NCALD: variants seen among roughly 807,000 people sequenced by gnomAD.
NCALD encodes neurocalcin-delta.
In NCALD, 10 loss-of-function variants were observed where a neutral mutation model predicts 18.6. That is an observed-to-expected ratio of 0.54 (90% confidence interval 0.33 to 0.91). The LOEUF is 0.91. Ranked by LOEUF, NCALD falls within the 40% of genes least tolerant of loss-of-function variation. NCALD has a pLI of 0.03. For synonymous variants in NCALD, 88 were observed against 87.4 expected, an observed-to-expected ratio of 1.01 and a Z score of -0.04; for missense variants, 184 against 247.6, an observed-to-expected ratio of 0.74 and a Z score of 1.72.
At chr8:102,075,298 A>T (rs1210688610) in intron 1 of NCALD, among the ~76,000 whole-genome samples, 18 of 152,252 alleles carry the variant, frequency 1.2e-4, no homozygotes, top group Non-Finnish European at 1.5e-5. Context: ...TTATGGAAAC[A>T]TAACTATAAA....
chr8:101,814,881 C>T (rs967104523), intron 4 of NCALD, among the ~76,000 whole-genome samples: 13 of 151,886 alleles, frequency 8.6e-5, no homozygotes, highest in Admixed American at 5.9e-4. Context: ...GTATTTCTAA[C>T]AAATATGAAT....
chr8:101,782,579 A>G (rs144183283), intron 1 of NCALD, among the ~76,000 whole-genome samples: 7 of 152,202 alleles, frequency 4.6e-5, no homozygotes, highest in African/African-American at 1.7e-4. Flanking sequence ...TATAGATTAT[A>G]TATTTTTTCC....
At chr8:101,851,855 C>T (rs549645034) in intron 4 of NCALD, among the ~76,000 whole-genome samples, 1 of 152,270 alleles carries the variant, frequency 6.6e-6, no homozygotes, top group East Asian at 1.9e-4. Flanking sequence ...TTATGTTAAA[C>T]TCTAATTTCC....
chr8:101,999,221 C>T (rs1273305883), intron 2 of NCALD, among the ~76,000 whole-genome samples: 1 of 151,932 alleles, frequency 6.6e-6, no homozygotes, highest in African/African-American at 2.4e-5. Context: ...TATACCAGCA[C>T]AATTCACAAT....
chr8:101,755,533 T>A lies in NCALD; in HGVS notation c.-20+35329A>T, dbSNP rs770788337. Among the ~76,000 whole-genome samples the A allele has an allele frequency of 9.8e-5, 15 of 152,306 alleles. 1 individual carries two copies. The highest frequency in any genetic ancestry group is 2.1e-4 in the Non-Finnish European group (14 of 68,030). On this transcript the variant is annotated intron_variant, in intron 1 of 3. Coordinates refer to ENST00000220931, the MANE Select transcript of NCALD (RefSeq NM_032041.3). Reference sequence around the variant, plus strand: ...TCTTCCTTACCTCTTTCCTCCACCATTCACCCTATCTTCTCCTGTCTCTCA... The same window carrying A: ...TCTTCCTTACCTCTTTCCTCCACCAATCACCCTATCTTCTCCTGTCTCTCA...
intron 4 of NCALD, among the ~76,000 whole-genome samples, chr8:101,884,017 A>C (rs1407939683): frequency 3.3e-5 from 5 of 152,196 alleles, no homozygotes; most frequent in Non-Finnish European, 4.4e-5. Flanking sequence ...TCTCTACTAA[A>C]GTCTTTCATG....
At chr8:101,902,773 G>T (rs1373920257) in intron 3 of NCALD, among the ~76,000 whole-genome samples, 1 of 151,844 alleles carries the variant, frequency 6.6e-6, no homozygotes, top group East Asian at 1.9e-4. Context: ...CCTAATTTCT[G>T]CTTGCTTACC....
At chr8:102,078,456 T>C (rs750270720) in intron 1 of NCALD, among the ~76,000 whole-genome samples, 2 of 152,244 alleles carry the variant, frequency 1.3e-5, no homozygotes, top group African/African-American at 4.8e-5. Context: ...TCAATGGCTT[T>C]TTATTTCGCT....
intron 1 of NCALD, among the ~76,000 whole-genome samples, chr8:102,064,475 G>A (rs1181406015): frequency 6.6e-6 from 1 of 152,224 alleles, no homozygotes; most frequent in Non-Finnish European, 1.5e-5. Flanking sequence ...CTGGGCCCAA[G>A]TACACCAAAT....
chr8:101,942,879 A>G (rs1819009702), intron 2 of NCALD, among the ~76,000 whole-genome samples: 1 of 152,174 alleles, frequency 6.6e-6, no homozygotes, highest in African/African-American at 2.4e-5. Context: ...AGCTTCATCC[A>G]ATTACCATCT....
At chr8:102,123,474 A>AC (rs1478731237) in intron 1 of NCALD, among the ~76,000 whole-genome samples, 3 of 151,484 alleles carry the variant, frequency 2.0e-5, no homozygotes, top group African/African-American at 7.3e-5. Flanking sequence ...AAAAAAAAAA[A>AC]AACTTGTGTA....
chr8:101,914,964 G>A (rs1817924930), intron 3 of NCALD, among the ~76,000 whole-genome samples: 1 of 152,104 alleles, frequency 6.6e-6, no homozygotes, highest in South Asian at 2.1e-4. Context: ...CTAAATATGG[G>A]ATCTTGGAAT....
At chr8:101,716,663 G>A (rs954665781) in intron 2 of NCALD, among the ~76,000 whole-genome samples, 1 of 152,262 alleles carries the variant, frequency 6.6e-6, no homozygotes, top group East Asian at 1.9e-4. Flanking sequence ...CCCCAAAGAT[G>A]TCCACATCCA....
intron 1 of NCALD, among the ~76,000 whole-genome samples, chr8:102,121,181 T>C (rs1825934180): frequency 6.6e-6 from 1 of 152,208 alleles, no homozygotes; most frequent in Non-Finnish European, 1.5e-5. Flanking sequence ...ATTTTAGACA[T>C]GGTCCCTATC....
intron 2 of NCALD, among the ~76,000 whole-genome samples, chr8:101,952,772 G>A (rs184279445): frequency 7.6e-4 from 116 of 152,298 alleles, no homozygotes; most frequent in African/African-American, 2.5e-3. Context: ...ATAGTTCCCT[G>A]GGACTAATTT....
chr8:102,039,908 C>A (rs1473376401), intron 1 of NCALD, among the ~76,000 whole-genome samples: 6 of 152,176 alleles, frequency 3.9e-5, no homozygotes, highest in African/African-American at 1.4e-4. Flanking sequence ...CATGCCTGAT[C>A]CCCTTCACTT....
chr8:101,726,725 G>A (rs1417271905), intron 1 of NCALD, among the ~76,000 whole-genome samples: 1 of 152,108 alleles, frequency 6.6e-6, no homozygotes, highest in Non-Finnish European at 1.5e-5. Flanking sequence ...AGAGGAAGAG[G>A]TTCAGTGAGG....
At chr8:101,762,225 T>G (rs1811143099) in intron 1 of NCALD, among the ~76,000 whole-genome samples, 1 of 152,166 alleles carries the variant, frequency 6.6e-6, no homozygotes, top group African/African-American at 2.4e-5. Context: ...AGAGCCTTCA[T>G]AAAGTAGGTG....
At chr8:101,788,199 GTCCAGTGCAGT>G (rs1812306964) in intron 1 of NCALD, among the ~76,000 whole-genome samples, 1 of 152,184 alleles carries the variant, frequency 6.6e-6, no homozygotes, top group Non-Finnish European at 1.5e-5. Context: ...GATGGGTTTT[GTCCAGTGCAGT>G]TCTATCACCT....
Sources: allele counts gnomAD v4.1 joint callset (sites outside exome capture counted in the v4.1 genomes callset), GRCh38; gene constraint gnomAD v4.1.1; transcripts MANE v1.5; gene names NCBI Gene and HGNC (gene_info 2026-07-23, HGNC 2026-07-21).